Variants in TAFA4 observed in about 807,000 individuals in gnomAD.
TAFA4 encodes the protein TAFA chemokine like family member 4, also known as chemokine-like protein TAFA-4.
In TAFA4, 20 loss-of-function variants were observed where a neutral mutation model predicts 21.1. That is an observed-to-expected ratio of 0.95 (90% CI 0.67 to 1.38). The LOEUF is 1.38. Ranked by LOEUF, TAFA4 falls within the 40% of genes most tolerant of loss-of-function variation. The pLI is 0.00. For missense variants in TAFA4, 211 were observed against 180.9 expected, an observed-to-expected ratio of 1.17 and a Z score of -0.95; for synonymous variants, 71 against 67.4, an observed-to-expected ratio of 1.05 and a Z score of -0.26.
intron 2 of TAFA4, 52 bp from the exon 3 acceptor site, chr3:68,880,897 C>T: frequency 4.1e-6 from 6 of 1,449,916 alleles, no homozygotes; most frequent in Non-Finnish European, 5.8e-6. Flanking sequence ...GGCCAGACTC[C>T]CTGGCAAGCA....
intron 3 of TAFA4, among the ~76,000 whole-genome samples, chr3:68,836,096 A>G (rs896091550): frequency 4.6e-5 from 7 of 152,228 alleles, no homozygotes; most frequent in African/African-American, 1.4e-4. Context: ...ATGAGAAACT[A>G]CAGAGAAGAA....
intron 3 of TAFA4, among the ~76,000 whole-genome samples, chr3:68,838,453 C>A (rs1053044523): frequency 2.0e-5 from 3 of 152,144 alleles, no homozygotes; most frequent in African/African-American, 7.2e-5. Context: ...TGAAAAATAA[C>A]CCTTGTAGAA....
At chr3:68,896,746 T>C (rs1429970477) in intron 1 of TAFA4, among the ~76,000 whole-genome samples, 1 of 152,190 alleles carries the variant, frequency 6.6e-6, no homozygotes, top group Admixed American at 6.5e-5. Context: ...GGCCTCTAAA[T>C]GGGGTCCTCT....
chr3:68,752,020 G>A (rs1702564244), intron 4 of TAFA4, among the ~76,000 whole-genome samples: 1 of 152,196 alleles, frequency 6.6e-6, no homozygotes, highest in African/African-American at 2.4e-5. Context: ...CTATATGTGT[G>A]TTTGGTAGGG....
intron 2 of TAFA4, 120 bp downstream of exon 2, chr3:68,885,055 C>A: frequency 1.1e-6 from 1 of 905,996 alleles, no homozygotes; most frequent in South Asian, 1.8e-5. Flanking sequence ...TCCCCAAATT[C>A]CCAAAAAGTG....
At chr3:68,839,937 C>G (rs1457592952) in intron 3 of TAFA4, among the ~76,000 whole-genome samples, 1 of 152,158 alleles carries the variant, frequency 6.6e-6, no homozygotes, top group Non-Finnish European at 1.5e-5. Context: ...GAAGCACTAG[C>G]CACAGACAGA....
intron 1 of TAFA4, among the ~76,000 whole-genome samples, chr3:68,915,345 T>C (rs79703732): frequency 0.011 from 1,670 of 152,342 alleles, 28 homozygotes; most frequent in African/African-American, 0.038. Context: ...TGAGTTAGTC[T>C]CTTGTACCAC....
At chr3:68,769,707 T>G (rs548894988) in intron 3 of TAFA4, among the ~76,000 whole-genome samples, 1 of 152,330 alleles carries the variant, frequency 6.6e-6, no homozygotes, top group African/African-American at 2.4e-5. Context: ...TATTGTGTGT[T>G]AGTAAAAACC....
At chr3:68,886,596 T>C (rs557883954) in intron 1 of TAFA4, among the ~76,000 whole-genome samples, 2 of 152,294 alleles carry the variant, frequency 1.3e-5, no homozygotes, top group East Asian at 3.9e-4. Context: ...CTGGGTATTC[T>C]TTTTTCAATT....
At chr3:68,797,877 G>A (rs143410368) in intron 3 of TAFA4, among the ~76,000 whole-genome samples, 48 of 152,232 alleles carry the variant, frequency 3.2e-4, no homozygotes, top group African/African-American at 9.4e-4. Context: ...GGATGGATCC[G>A]TAGCACAGCG....
rs1406161668 is a variant in TAFA4 at position 68,887,852 on chromosome 3, C to T, written c.-122-2542G>A. ...TGAAATATCATCAGGGTAATTTTCTCATTGTCTTGAACAGCAAGCACCTGG... is the reference window on the plus strand; with the variant it reads ...TGAAATATCATCAGGGTAATTTTCTTATTGTCTTGAACAGCAAGCACCTGG... On this transcript the variant is annotated intron_variant, in intron 1 of 5. Transcript: ENST00000295569. Among the ~76,000 whole-genome samples, 7 of 152,246 alleles carry T rather than the reference C, an allele frequency of 4.6e-5. No individual in the cohort carries two copies. In the South Asian group the frequency reaches 1.2e-3, roughly 27 times the overall value.
At chr3:68,787,716 C>T (rs1486587279) in intron 3 of TAFA4, among the ~76,000 whole-genome samples, 2 of 152,178 alleles carry the variant, frequency 1.3e-5, no homozygotes, top group Non-Finnish European at 2.9e-5. Context: ...TCCCTGACTG[C>T]ATCAAATTAA....
chr3:68,774,046 C>T (rs1703005681), intron 3 of TAFA4, among the ~76,000 whole-genome samples: 1 of 152,244 alleles, frequency 6.6e-6, no homozygotes, highest in Admixed American at 6.5e-5. Context: ...AGGAGATGAA[C>T]TACAGCAGTC....
At chr3:68,864,363 A>T (rs1364802022) in intron 3 of TAFA4, among the ~76,000 whole-genome samples, 1 of 152,174 alleles carries the variant, frequency 6.6e-6, no homozygotes, top group Non-Finnish European at 1.5e-5. Context: ...ATTATTAGCC[A>T]TTAGGTTCAT....
intron 3 of TAFA4, among the ~76,000 whole-genome samples, chr3:68,826,268 G>A (rs1704233163): frequency 6.6e-6 from 1 of 152,120 alleles, no homozygotes; most frequent in East Asian, 1.9e-4. Flanking sequence ...TGCATAAAAA[G>A]GGATAATAAG....
chr3:68,734,464 G>T (rs190142142), intron 5 of TAFA4, among the ~76,000 whole-genome samples: 155 of 151,794 alleles, frequency 1.0e-3, no homozygotes, highest in African/African-American at 3.6e-3. Context: ...GTCAAGGAAG[G>T]TTGAAGGAGG....
intron 4 of TAFA4, among the ~76,000 whole-genome samples, chr3:68,750,872 C>A (rs1702546184): frequency 6.6e-6 from 1 of 152,162 alleles, no homozygotes; most frequent in African/African-American, 2.4e-5. Context: ...CTCCACTGTA[C>A]TAAAAGTTGT....
intron 3 of TAFA4, among the ~76,000 whole-genome samples, chr3:68,763,573 A>G (rs997155907): frequency 6.6e-6 from 1 of 152,070 alleles, no homozygotes; most frequent in African/African-American, 2.4e-5. Flanking sequence ...ATTCTAACCA[A>G]CATTCCTCAG....
intron 3 of TAFA4, among the ~76,000 whole-genome samples, chr3:68,846,821 C>T (rs966981242): frequency 1.3e-5 from 2 of 152,120 alleles, no homozygotes; most frequent in Admixed American, 6.5e-5. Flanking sequence ...CGCTCCAGAC[C>T]CTGTTTGCCT....
Sources: allele counts gnomAD v4.1 joint callset (sites outside exome capture counted in the v4.1 genomes callset), GRCh38; gene constraint gnomAD v4.1.1; transcripts MANE v1.5; gene names NCBI Gene and HGNC (gene_info 2026-07-23, HGNC 2026-07-21).